Variants in C8orf34 observed in about 807,000 individuals in gnomAD.
C8orf34 encodes the protein uncharacterized protein C8orf34.
C8orf34 carries 65 observed loss-of-function variants against 68.3 expected under a neutral mutation model. That is an observed-to-expected ratio of 0.95 (90% CI 0.78 to 1.17). C8orf34 has a LOEUF of 1.17. Among genes scored for constraint, C8orf34 ranks in the 50% most tolerant of loss-of-function variants. C8orf34 has a pLI of 0.00. For missense variants in C8orf34, 664 were observed against 655.4 expected (o/e 1.01, Z -0.14); for synonymous variants, 244 against 241.2 (o/e 1.01, Z -0.11).
chr8:68,712,085 T>C (rs1821344054), intron 9 of C8orf34, among the ~76,000 whole-genome samples: 2 of 152,240 alleles, frequency 1.3e-5, no homozygotes, highest in Admixed American at 6.5e-5. Context: ...TCAGAGAAAC[T>C]AAGCTTCATA....
chr8:68,784,227 G>T (rs1241973624), intron 11 of C8orf34, among the ~76,000 whole-genome samples: 2 of 152,134 alleles, frequency 1.3e-5, no homozygotes, highest in Non-Finnish European at 2.9e-5. Flanking sequence ...GCTATCAGGA[G>T]TACAGCTCAG....
intron 5 of C8orf34, among the ~76,000 whole-genome samples, chr8:68,515,244 G>A (rs929496913): frequency 6.6e-6 from 1 of 151,456 alleles, no homozygotes; most frequent in Non-Finnish European, 1.5e-5. Context: ...TGAGTTCTGA[G>A]ATCTGACCTC....
At chr8:68,624,324 T>C (rs1311085392) in intron 7 of C8orf34, among the ~76,000 whole-genome samples, 1 of 151,522 alleles carries the variant, frequency 6.6e-6, no homozygotes, top group African/African-American at 2.4e-5. Context: ...CACACAGAGT[T>C]AAGTAGATAT....
chr8:68,793,147 T>A (rs182664229), intron 12 of C8orf34, among the ~76,000 whole-genome samples: 94 of 152,292 alleles, frequency 6.2e-4, no homozygotes, highest in Non-Finnish European at 1.1e-3. Flanking sequence ...TTTATTTTGA[T>A]ATTCACATTG....
chr8:68,632,596 C>T (rs1014464673), intron 7 of C8orf34, among the ~76,000 whole-genome samples: 2 of 152,106 alleles, frequency 1.3e-5, no homozygotes, highest in Non-Finnish European at 2.9e-5. Flanking sequence ...CAGGGCATGT[C>T]AGAGATCTTC....
intron 7 of C8orf34, among the ~76,000 whole-genome samples, chr8:68,550,830 A>G (rs1225717630): frequency 6.6e-6 from 1 of 150,868 alleles, no homozygotes; most frequent in Admixed American, 6.6e-5. Flanking sequence ...TCTTGCTTGC[A>G]TCATTTCTGA....
chr8:68,659,510 G>A (rs908750231), intron 8 of C8orf34, among the ~76,000 whole-genome samples: 3 of 152,110 alleles, frequency 2.0e-5, no homozygotes, highest in African/African-American at 7.2e-5. Context: ...ATTTTACAGT[G>A]TATTTTATAT....
intron 8 of C8orf34, among the ~76,000 whole-genome samples, chr8:68,708,375 T>C (rs1473000758): frequency 6.6e-6 from 1 of 152,182 alleles, no homozygotes; most frequent in Non-Finnish European, 1.5e-5. Context: ...ATTATAACAT[T>C]TATAAAAATT....
intron 8 of C8orf34, among the ~76,000 whole-genome samples, chr8:68,689,637 TG>T (rs1228351519): frequency 6.6e-6 from 1 of 151,990 alleles, no homozygotes; most frequent in Non-Finnish European, 1.5e-5. Flanking sequence ...TTTTAAAAGG[TG>T]GGCCTCATCT....
intron 7 of C8orf34, among the ~76,000 whole-genome samples, chr8:68,604,061 C>G (rs1322066204): frequency 6.6e-6 from 1 of 151,994 alleles, no homozygotes; most frequent in Admixed American, 6.6e-5. Context: ...GATAAAAACA[C>G]CATGGAAATT....
chr8:68,745,747 G>A (rs532563092), intron 10 of C8orf34, among the ~76,000 whole-genome samples: 4 of 152,164 alleles, frequency 2.6e-5, no homozygotes, highest in African/African-American at 7.2e-5. Context: ...AGTTCTGAGT[G>A]ACCTACAAAG....
intron 8 of C8orf34, among the ~76,000 whole-genome samples, chr8:68,659,013 G>T (rs1359205033): frequency 6.6e-6 from 1 of 151,720 alleles, no homozygotes; most frequent in Non-Finnish European, 1.5e-5. Flanking sequence ...TACAATTTTT[G>T]TAAACTCATC....
In C8orf34 at chr8:68,465,777, A is replaced by G. The variant is rs1364311582; in HGVS notation, c.608-2915A>G. 2.0e-5 allele frequency among the ~76,000 whole-genome samples: 3 copies of G among 151,472 alleles called. No individual in the cohort carries two copies. The East Asian group carries it at 5.8e-4, about 29-fold the overall frequency. On this transcript the variant is annotated intron_variant, in intron 3 of 13. Transcript: ENST00000518698. ...GAGAACACATGGACACAGGAAGGGG[A>G]ACATCACACTCTGGGGCCTGTTGTG...
At chr8:68,813,093 C>T (rs1421915682) in intron 12 of C8orf34, among the ~76,000 whole-genome samples, 1 of 152,188 alleles carries the variant, frequency 6.6e-6, no homozygotes, top group Non-Finnish European at 1.5e-5. Flanking sequence ...AAACTTGTAG[C>T]ATATGGCGTT....
chr8:68,571,926 G>T (rs566212813), intron 7 of C8orf34, among the ~76,000 whole-genome samples: 1 of 152,062 alleles, frequency 6.6e-6, no homozygotes, highest in Non-Finnish European at 1.5e-5. Context: ...GTGTCATTAG[G>T]TGATCTGATC....
chr8:68,595,297 T>C (rs1390967141), intron 7 of C8orf34, among the ~76,000 whole-genome samples: 1 of 152,078 alleles, frequency 6.6e-6, no homozygotes, highest in Non-Finnish European at 1.5e-5. Context: ...AATTGATCTT[T>C]GATACAAGTG....
At chr8:68,340,700 T>C (rs776749994) in intron 1 of C8orf34, among the ~76,000 whole-genome samples, 48 of 152,150 alleles carry the variant, frequency 3.2e-4, no homozygotes, top group Non-Finnish European at 6.8e-4. Flanking sequence ...CCCAAACCAA[T>C]TCAATGAAGA....
chr8:68,561,225 T>G (rs1302855479), intron 7 of C8orf34, among the ~76,000 whole-genome samples: 1 of 151,952 alleles, frequency 6.6e-6, no homozygotes, highest in Non-Finnish European at 1.5e-5. Context: ...TCAAGGAATC[T>G]GCCAGCTTCA....
At chr8:68,444,813 T>G (rs1811054352) in intron 2 of C8orf34, among the ~76,000 whole-genome samples, 1 of 152,178 alleles carries the variant, frequency 6.6e-6, no homozygotes, top group Non-Finnish European at 1.5e-5. Flanking sequence ...AGTCACAACA[T>G]TCATTTCATT....
Sources: allele counts gnomAD v4.1 joint callset (sites outside exome capture counted in the v4.1 genomes callset), GRCh38; gene constraint gnomAD v4.1.1; transcripts MANE v1.5; gene names NCBI Gene and HGNC (gene_info 2026-07-23, HGNC 2026-07-21).